Variants in OSGEPL1 observed in about 807,000 individuals in gnomAD.
OSGEPL1 encodes the protein tRNA N6-adenosine threonylcarbamoyltransferase, mitochondrial.
OSGEPL1 carries 26 observed loss-of-function variants against 37.2 expected under a neutral mutation model. The observed-to-expected ratio is 0.70, with a 90% CI of 0.51 to 0.97. The LOEUF (loss-of-function observed/expected upper bound fraction) is 0.97, where lower values mean the gene tolerates loss of function less well. OSGEPL1 is among the 50% of genes least tolerant of loss of function. The pLI, the probability that OSGEPL1 is intolerant of heterozygous loss-of-function variation, is 0.00. For synonymous variants in OSGEPL1, 140 were observed against 159.9 expected, an observed-to-expected ratio of 0.88 and a Z score of 0.94; for missense variants, 404 against 487.0, an observed-to-expected ratio of 0.83 and a Z score of 1.60.
chr2:189,761,722 A>T, intron 1 of OSGEPL1, 62 bp from the exon 2 acceptor site: 1 of 1,415,160 alleles, frequency 7.1e-7, no homozygotes. Context: ...CTTATTTTTC[A>T]ATATATAGTT....
At position 189,754,600 on chromosome 2, in the gene OSGEPL1, T is replaced by G. The variant is rs571650825; in HGVS notation, c.610-255A>C. The G allele has an allele frequency of 9.1e-6, 4 of 441,060 alleles. No individual in the cohort carries two copies. In the South Asian group the frequency reaches 1.1e-4, roughly 12 times the overall value. The allele number at this position is 441,060 out of a possible 1,614,324, so 27.3% of individuals were successfully genotyped here. ...CTCTTCTATTGGTTGGAAAATGGGCTTGAAGTTGACAATAACTGCTTAATG... is the reference window on the plus strand; with the variant it reads ...CTCTTCTATTGGTTGGAAAATGGGCGTGAAGTTGACAATAACTGCTTAATG... On this transcript the variant is annotated intron_variant, in intron 3 of 8. Transcript: ENST00000264151.
At chr2:189,755,076 C>A in intron 3 of OSGEPL1, 97 bp downstream of exon 3, 1 of 1,412,988 alleles carries the variant, frequency 7.1e-7, no homozygotes, top group African/African-American at 1.5e-5. Flanking sequence ...AGATAAAATT[C>A]AGAAATATTT....
chr2:189,760,145 T>C (rs942420453), intron 2 of OSGEPL1, among the ~76,000 whole-genome samples: 10 of 152,364 alleles, frequency 6.6e-5, no homozygotes, highest in Non-Finnish European at 1.5e-4. Flanking sequence ...TGGAGTCTCC[T>C]ATGTCTACTT....
In OSGEPL1 at chr2:189,753,914, AC is replaced by A. The variant is rs746277056; in HGVS notation, c.963+1del. Reference sequence around the variant, plus strand: ...ATTACTATAAAATGAGATAAAACTTACCAGTACTGCATTATTTTGAGGTAAC... The same window carrying A: ...ATTACTATAAAATGAGATAAAACTTACAGTACTGCATTATTTTGAGGTAAC... On this transcript the variant is annotated splice_donor_variant, in intron 5 of 8. Coordinates refer to ENST00000264151, the MANE Select transcript of OSGEPL1 (RefSeq NM_022353.3). LOFTEE classifies it high-confidence loss of function. 1.4e-5 allele frequency: 22 copies of A among 1,612,908 alleles called. No individual in the cohort carries two copies. The highest frequency in any genetic ancestry group is 1.9e-5 in the Non-Finnish European group (22 of 1,179,626).
intron 2 of OSGEPL1, among the ~76,000 whole-genome samples, chr2:189,756,112 AGAG>A (rs558946085): frequency 1.2e-3 from 176 of 152,340 alleles, no homozygotes; most frequent in African/African-American, 4.0e-3. Flanking sequence ...AAATTCTAAA[AGAG>A]AAACATGAAG....
intron 8 of OSGEPL1, among the ~76,000 whole-genome samples, chr2:189,747,613 C>A (rs1440006): frequency 0.91 from 138,181 of 152,196 alleles, 62,848 homozygotes; most frequent in Admixed American, 0.95. Flanking sequence ...ATAGCAATGT[C>A]TGCTTCTCCT....
intron 8 of OSGEPL1, among the ~76,000 whole-genome samples, chr2:189,749,161 G>A (rs2044657644): frequency 7.1e-6 from 1 of 141,844 alleles, no homozygotes; most frequent in East Asian, 2.2e-4. Flanking sequence ...CAGGAGAATT[G>A]CTTGAACCTG....
chr2:189,760,381 G>C (rs1445186494), intron 2 of OSGEPL1, among the ~76,000 whole-genome samples: 1 of 152,090 alleles, frequency 6.6e-6, no homozygotes, highest in Non-Finnish European at 1.5e-5. Flanking sequence ...GCCGGGCAGA[G>C]GCGCCCCCAC....
In OSGEPL1 at chr2:189,755,578, A is replaced by T. The variant is rs2045954676; in HGVS notation, c.222-18T>A. 2 of 1,573,268 alleles carry T rather than the reference A, an allele frequency of 1.3e-6. No homozygotes were observed. The highest frequency in any genetic ancestry group is 1.7e-6 in the Non-Finnish European group (2 of 1,169,920). On this transcript the variant is annotated intron_variant, in intron 2 of 8. Transcript: ENST00000264151. Reference sequence around the variant, plus strand: ...CACCTGTTCTGAAAGAAAGAAAGACAGCATTTTGTAGTTTTAAGATTGTAA... The same window carrying T: ...CACCTGTTCTGAAAGAAAGAAAGACTGCATTTTGTAGTTTTAAGATTGTAA...
chr2:189,746,768 T>C lies in OSGEPL1; in HGVS notation c.*429A>G, dbSNP rs1409456688. 2.1e-6 allele frequency: 2 copies of C among 968,804 alleles called. No individual in the cohort carries two copies. The highest frequency in any genetic ancestry group is 1.4e-6 in the Non-Finnish European group (1 of 691,672). The allele number at this position is 968,804 out of a possible 1,614,324, so 60.0% of individuals were successfully genotyped here. A position where few individuals can be genotyped will look rare whatever the true frequency, so the allele number is the denominator to read the frequency against. The stretch of plus-strand genomic sequence containing the variant: ...ATCTCGATACTAAGCAGATTTTCCT[T>C]AGCATGTCTACAGGAATTTAGTGTC... On this transcript the variant is annotated 3_prime_UTR_variant, in exon 9 of 9. Coordinates refer to ENST00000264151, the MANE Select transcript of OSGEPL1 (RefSeq NM_022353.3).
intron 8 of OSGEPL1, among the ~76,000 whole-genome samples, chr2:189,749,138 CGGG>C (rs1353366127): frequency 6.8e-6 from 1 of 145,986 alleles, no homozygotes; most frequent in Non-Finnish European, 1.5e-5. Flanking sequence ...CCCAGCTACT[CGGG>C]AGGCTGAGAC....
chr2:189,762,379 C>T (rs753683148), intron 1 of OSGEPL1, among the ~76,000 whole-genome samples: 2 of 152,188 alleles, frequency 1.3e-5, no homozygotes, highest in Non-Finnish European at 2.9e-5. Flanking sequence ...CCTTTCTCCA[C>T]CACACTAAAG....
chr2:189,748,158 G>A (rs1208290779), intron 8 of OSGEPL1, among the ~76,000 whole-genome samples: 1 of 152,184 alleles, frequency 6.6e-6, no homozygotes, highest in Non-Finnish European at 1.5e-5. Context: ...CTATGTGCTA[G>A]AGTCCAAAGT....
intron 2 of OSGEPL1, among the ~76,000 whole-genome samples, chr2:189,757,100 A>G (rs2046194600): frequency 6.6e-6 from 1 of 152,242 alleles, no homozygotes; most frequent in Non-Finnish European, 1.5e-5. Flanking sequence ...ATTTGTAGAC[A>G]GTATGGAGTG....
At chr2:189,760,499 A>G (rs941295526) in intron 2 of OSGEPL1, among the ~76,000 whole-genome samples, 1 of 152,206 alleles carries the variant, frequency 6.6e-6, no homozygotes, top group African/African-American at 2.4e-5. Flanking sequence ...TACATTAACA[A>G]TCTGGATTTC....
upstream of OSGEPL1, chr2:189,763,039 A>G (rs1401095700): frequency 6.1e-6 from 6 of 985,320 alleles, no homozygotes; most frequent in Non-Finnish European, 7.2e-6. Context: ...AAGCTACATT[A>G]AAAAGAAATT....
At chr2:189,748,484 A>G (rs1300293501) in intron 8 of OSGEPL1, among the ~76,000 whole-genome samples, 2 of 152,206 alleles carry the variant, frequency 1.3e-5, no homozygotes, top group East Asian at 1.9e-4. Context: ...TTGGCCTCCC[A>G]AAGCATTAGG....
intron 2 of OSGEPL1, among the ~76,000 whole-genome samples, chr2:189,759,673 C>T (rs1036529158): frequency 6.6e-6 from 1 of 152,164 alleles, no homozygotes; most frequent in African/African-American, 2.4e-5. Flanking sequence ...TCCAAAATAC[C>T]AGGCTTTTTC....
chr2:189,762,643 G>A (rs958961066), intron 1 of OSGEPL1, 42 bp downstream of exon 1: 11 of 985,286 alleles, frequency 1.1e-5, no homozygotes, highest in Non-Finnish European at 1.3e-5. Flanking sequence ...TTCCAGGTGC[G>A]CAAAAGCGTC....
Sources: gnomAD v4.1 joint callset for allele counts (sites outside exome capture counted in the v4.1 genomes callset) on GRCh38, gnomAD v4.1.1 for gene constraint, MANE v1.5 for transcripts, NCBI Gene and HGNC (gene_info 2026-07-23, HGNC 2026-07-21) for gene names.